SMPX: variants seen among roughly 807,000 people sequenced by gnomAD.
SMPX encodes the protein small muscle protein X-linked.
A neutral mutation model predicts 6.3 loss-of-function variants in SMPX; 2 were observed. The ratio of observed to expected loss-of-function variants is 0.32; its 90% confidence interval spans 0.13 to 0.99. SMPX has a LOEUF of 0.99. Ranked by LOEUF, SMPX falls within the 50% of genes least tolerant of loss-of-function variation. The probability of loss-of-function intolerance (pLI) is 0.49; values close to 1 mark genes in which losing one functional copy is unlikely to be tolerated. For synonymous variants in SMPX, 32 were observed against 24.7 expected, an observed-to-expected ratio of 1.30 and a Z score of -0.88; for missense variants, 60 against 66.8, an observed-to-expected ratio of 0.90 and a Z score of 0.36.
intron 2 of SMPX, among the ~76,000 whole-genome samples, chrX:21,752,181 T>A (rs1300561855): frequency 9.0e-6 from 1 of 111,613 alleles, no homozygotes. Flanking sequence ...ATATTACAAA[T>A]CTAAAAATAT....
chrX:21,743,673 C>T (rs1448920522), intron 3 of SMPX, 77 bp downstream of exon 3: 1 of 875,670 alleles, frequency 1.1e-6, no homozygotes, highest in Non-Finnish European at 1.7e-6. Context: ...CCAGCCCTTG[C>T]CTAGCCTCTG....
chrX:21,745,025 T>C (rs949211608), intron 2 of SMPX, among the ~76,000 whole-genome samples: 5 of 111,235 alleles, frequency 4.5e-5, no homozygotes, highest in African/African-American at 1.6e-4. Context: ...TTGTACTCCC[T>C]TCAGGAGCAG....
intron 2 of SMPX, among the ~76,000 whole-genome samples, chrX:21,752,522 G>C (rs1220057762): frequency 3.6e-5 from 4 of 110,184 alleles, no homozygotes; most frequent in African/African-American, 1.3e-4. Flanking sequence ...TTTGTTTTTT[G>C]GTTTTTTTTA....
chrX:21,735,415 A>C (rs996679360), intron 4 of SMPX, among the ~76,000 whole-genome samples: 3 of 112,361 alleles, frequency 2.7e-5, no homozygotes, highest in Non-Finnish European at 5.6e-5. Context: ...GTGGTTTTAC[A>C]TTAGAATTTG....
intron 4 of SMPX, among the ~76,000 whole-genome samples, chrX:21,723,604 G>T (rs975269157): frequency 5.4e-5 from 6 of 111,926 alleles, no homozygotes; most frequent in Non-Finnish European, 9.4e-5. Flanking sequence ...AAGTTTCTTG[G>T]CATTTTAACT....
chrX:21,715,279 T>C, intron 4 of SMPX, among the ~76,000 whole-genome samples: 1 of 100,394 alleles, frequency 1.0e-5, no homozygotes, highest in South Asian at 4.0e-4. Context: ...TGTGTGTGTG[T>C]GTGTGTGTGT....
chrX:21,736,945 A>T (rs1244128834), intron 4 of SMPX, among the ~76,000 whole-genome samples: 1 of 111,194 alleles, frequency 9.0e-6, no homozygotes, highest in Non-Finnish European at 1.9e-5. Context: ...TGCAATTAAA[A>T]TAAAAATAAG....
intron 3 of SMPX, among the ~76,000 whole-genome samples, chrX:21,739,116 C>A (rs2092813633): frequency 9.0e-6 from 1 of 110,989 alleles, no homozygotes; most frequent in African/African-American, 3.3e-5. Flanking sequence ...CACCCTTACC[C>A]TCAACCCCCA....
chrX:21,729,150 A>C (rs959192564), intron 4 of SMPX, among the ~76,000 whole-genome samples: 1 of 112,972 alleles, frequency 8.9e-6, no homozygotes, highest in African/African-American at 3.2e-5. Context: ...ATCATATTTA[A>C]GAGTGCTTCA....
intron 4 of SMPX, among the ~76,000 whole-genome samples, chrX:21,724,201 G>A (rs1210263335): frequency 8.9e-6 from 1 of 112,153 alleles, no homozygotes; most frequent in East Asian, 2.8e-4. Flanking sequence ...GAGCTTTCCA[G>A]AAGAGTTGAC....
intron 4 of SMPX, among the ~76,000 whole-genome samples, chrX:21,720,722 G>T (rs894568000): frequency 8.9e-6 from 1 of 112,091 alleles, no homozygotes; most frequent in African/African-American, 3.2e-5. Context: ...TAAGTAGCCA[G>T]ACTCTAGAGA....
chrX:21,743,371 G>A (rs1475294148), intron 3 of SMPX, among the ~76,000 whole-genome samples: 1 of 110,902 alleles, frequency 9.0e-6, no homozygotes, highest in Non-Finnish European at 1.9e-5. Context: ...ACTACTGCTA[G>A]ACGAAAAACT....
chrX:21,756,861 A>G (rs1159344773), intron 1 of SMPX, among the ~76,000 whole-genome samples: 4 of 112,566 alleles, frequency 3.6e-5, no homozygotes, highest in Non-Finnish European at 7.5e-5. Flanking sequence ...AAAGTTTGAC[A>G]AGGCATATAT....
chrX:21,716,192 C>T (rs965798192), intron 4 of SMPX, among the ~76,000 whole-genome samples: 1 of 112,398 alleles, frequency 8.9e-6, no homozygotes, highest in African/African-American at 3.2e-5. Flanking sequence ...CACATGTTTT[C>T]CTATTCCAAG....
At position 21,706,015 on chromosome X, in the gene SMPX, A is replaced by G. The variant is rs2092772479; in HGVS notation, c.*394T>C. 2 of 483,056 alleles carry G rather than the reference A, an allele frequency of 4.1e-6. No homozygotes were observed. The highest frequency in any genetic ancestry group is 7.3e-6 in the Non-Finnish European group (2 of 272,804). 39.8% of individuals were successfully genotyped at this position (483,056 alleles called of 1,213,427 possible). A position where few individuals can be genotyped will look rare whatever the true frequency, so the allele number is the denominator to read the frequency against. On this transcript the variant is annotated 3_prime_UTR_variant, in exon 5 of 5. Coordinates refer to ENST00000379494, the MANE Select transcript of SMPX (RefSeq NM_014332.3). The stretch of plus-strand genomic sequence containing the variant: ...TCAAATATTTATTTGAACTCATACA[A>G]AGTTTAGTGACATAATTTAAAAGGT...
chrX:21,722,015 C>G (rs1241720849), intron 4 of SMPX, among the ~76,000 whole-genome samples: 1 of 110,356 alleles, frequency 9.1e-6, no homozygotes, highest in East Asian at 2.8e-4. Flanking sequence ...AAAAAATAGC[C>G]AGGTATGGTG....
At chrX:21,751,200 T>C (rs1221808016) in intron 2 of SMPX, among the ~76,000 whole-genome samples, 1 of 112,451 alleles carries the variant, frequency 8.9e-6, no homozygotes, top group Non-Finnish European at 1.9e-5. Context: ...TTAGAAAACA[T>C]TGCATATGTT....
chrX:21,733,431 A>C (rs2092807106), intron 4 of SMPX, among the ~76,000 whole-genome samples: 1 of 112,510 alleles, frequency 8.9e-6, no homozygotes, highest in Non-Finnish European at 1.9e-5. Context: ...TGAGCTATCA[A>C]GAATCAGTAA....
chrX:21,747,319 C>A (rs889107500), intron 2 of SMPX, among the ~76,000 whole-genome samples: 1 of 110,759 alleles, frequency 9.0e-6, no homozygotes, highest in Admixed American at 9.6e-5. Context: ...GCATCACTTT[C>A]CTAAGCTATA....
Sources: allele counts gnomAD v4.1 joint callset (sites outside exome capture counted in the v4.1 genomes callset), GRCh38; gene constraint gnomAD v4.1.1; transcripts MANE v1.5; gene names NCBI Gene and HGNC (gene_info 2026-07-23, HGNC 2026-07-21).